TFF1: variants seen among roughly 807,000 people sequenced by gnomAD.
The protein encoded by TFF1 is breast cancer estrogen-inducible protein.
Under a neutral mutation model 7.7 loss-of-function variants are expected in TFF1, and 8 were observed. The observed-to-expected ratio is 1.04, with a 90% confidence interval of 0.61 to 1.87. TFF1 has a LOEUF of 1.87. TFF1 is among the 40% of genes most tolerant of loss of function. TFF1 has a pLI of 0.00. For synonymous variants in TFF1, 47 were observed against 44.8 expected, an observed-to-expected ratio of 1.05 and a Z score of -0.19; for missense variants, 120 against 113.4, an observed-to-expected ratio of 1.06 and a Z score of -0.26.
intron 1 of TFF1, among the ~76,000 whole-genome samples, chr21:42,365,722 G>A (rs1032157008): frequency 2.6e-5 from 4 of 152,202 alleles, no homozygotes; most frequent in African/African-American, 7.2e-5. Flanking sequence ...AGGGCAGACC[G>A]TTGATCCATT....
At position 42,363,237 on chromosome 21, in the gene TFF1, C is replaced by A. The variant is rs7281220; in HGVS notation, c.238+18G>T. ...CTAATTCTAAATCTTCAGAACCCAT[C>A]GTATAAAAAGGCCATACCTTCTGGA... is the stretch of plus-strand genomic sequence containing the variant. On this transcript the variant is annotated intron_variant, in intron 2 of 2. Transcript: ENST00000291527. 5 of 1,613,932 alleles carry A rather than the reference C, an allele frequency of 3.1e-6. No homozygotes were observed. Among genetic ancestry groups the A allele is most frequent in the South Asian group, 2.2e-5 (2 of 91,078 alleles).
At chr21:42,364,190 G>C (rs969507540) in intron 1 of TFF1, among the ~76,000 whole-genome samples, 2 of 152,088 alleles carry the variant, frequency 1.3e-5, no homozygotes, top group African/African-American at 4.8e-5. Context: ...CATCGTCCCA[G>C]GGTGCCCAGG....
Position 42,363,187 on chromosome 21 carries a change from C to T in TFF1, c.238+68G>A, listed in dbSNP as rs566950600. 129 of 1,602,518 alleles carry T rather than the reference C, an allele frequency of 8.0e-5. 2 individuals carry two copies. The South Asian group carries it at 1.4e-3, about 17-fold the overall frequency. ...TAGCTGGTGATGCTGATCAGAGCCTCTGTAGTCTTAAATGACTTTTCTAAC... is the reference window on the plus strand; with the variant it reads ...TAGCTGGTGATGCTGATCAGAGCCTTTGTAGTCTTAAATGACTTTTCTAAC... On this transcript the variant is annotated intron_variant, in intron 2 of 2. Coordinates refer to ENST00000291527, the MANE Select transcript of TFF1 (RefSeq NM_003225.3).
intron 1 of TFF1, among the ~76,000 whole-genome samples, 163 bp downstream of exon 1, chr21:42,366,248 C>T (rs567491785): frequency 2.6e-5 from 4 of 152,320 alleles, no homozygotes; most frequent in African/African-American, 9.6e-5. Flanking sequence ...AGTTACTCTC[C>T]ACCTGCTTTT....
At chr21:42,365,268 C>A (rs1307669443) in intron 1 of TFF1, among the ~76,000 whole-genome samples, 1 of 120,520 alleles carries the variant, frequency 8.3e-6, no homozygotes, top group African/African-American at 3.2e-5. Flanking sequence ...GGGGGCAGAG[C>A]TGGGGGCTGG....
chr21:42,362,659 G>C (rs1478805432), intron 2 of TFF1, among the ~76,000 whole-genome samples, 164 bp from the exon 3 acceptor site: 1 of 152,206 alleles, frequency 6.6e-6, no homozygotes, highest in African/African-American at 2.4e-5. Context: ...TGTAATCCCA[G>C]CTCTCTGGGA....
At chr21:42,362,633 C>G in intron 2 of TFF1, 138 bp from the exon 3 acceptor site, 1 of 1,016,932 alleles carries the variant, frequency 9.8e-7, no homozygotes. Context: ...GTCAGCCGGG[C>G]ACGGTGGCTC....
intron 1 of TFF1, among the ~76,000 whole-genome samples, chr21:42,364,266 G>C (rs568330604): frequency 1.3e-5 from 2 of 152,286 alleles, no homozygotes; most frequent in East Asian, 3.9e-4. Flanking sequence ...AAGCAGGGGG[G>C]CTCCCTGCAG....
At chr21:42,366,293 C>T in intron 1 of TFF1, 118 bp downstream of exon 1, 2 of 722,900 alleles carry the variant, frequency 2.8e-6, no homozygotes. Context: ...TTTTAAGGGC[C>T]TAGAACAGCA....
In TFF1 at chr21:42,362,353, G is replaced by C. The variant is rs528330317; in HGVS notation, c.*126C>G. 9.2e-7 allele frequency: 1 copy of C among 1,092,624 alleles called. No individual in the cohort carries two copies. The highest frequency in any genetic ancestry group is 1.6e-5 in the African/African-American group (1 of 62,032). 67.7% of individuals were successfully genotyped at this position (1,092,624 alleles called of 1,614,324 possible). A position where few individuals can be genotyped will look rare whatever the true frequency, so the allele number is the denominator to read the frequency against. On this transcript the variant is annotated 3_prime_UTR_variant, in exon 3 of 3. Transcript: ENST00000291527. ...AGTCAGAGCAGTCAATCTGTGTTGT[G>C]AGCCGAGGCACAGCTGCAGAAGCGT...
chr21:42,366,361 G>C, intron 1 of TFF1, 50 bp downstream of exon 1: 1 of 1,444,508 alleles, frequency 6.9e-7, no homozygotes, highest in Non-Finnish European at 9.6e-7. Flanking sequence ...CCTGGCGGAG[G>C]CTGCCAGAGC....
At chr21:42,363,233 C>T (rs747544943) in intron 2 of TFF1, 22 bp downstream of exon 2, 3 of 1,614,014 alleles carry the variant, frequency 1.9e-6, no homozygotes, top group Middle Eastern at 1.6e-4. Context: ...TCTTCAGAAC[C>T]CATCGTATAA....
At chr21:42,363,964 G>A (rs1319607061) in intron 1 of TFF1, among the ~76,000 whole-genome samples, 3 of 152,054 alleles carry the variant, frequency 2.0e-5, no homozygotes, top group East Asian at 1.9e-4. Context: ...AAAATTAGGC[G>A]GGCATTGTGG....
intron 2 of TFF1, 136 bp downstream of exon 2, chr21:42,363,119 C>G: frequency 8.9e-7 from 1 of 1,122,394 alleles, no homozygotes; most frequent in African/African-American, 1.6e-5. Context: ...CTCAGGCTAC[C>G]CCATTGCACC....
Position 42,363,351 on chromosome 21 carries a change from G to T in TFF1, c.142C>A (p.Pro48Thr). 2 of 1,614,188 alleles carry T rather than the reference G, an allele frequency of 1.2e-6. No homozygotes were observed. Among genetic ancestry groups the T allele is most frequent in the Non-Finnish European group, 1.7e-6 (2 of 1,180,036 alleles). The part of the protein sequence containing the change: ...RQNCGFPGVT[P>T]SQCANKGCCF... The stretch of plus-strand genomic sequence containing the variant: ...CAGCCCTTATTTGCACACTGGGAGG[G>T]CGTGACACCAGGAAAACCACAATTC... Residue 48 changes from proline to threonine, a missense_variant, in exon 2 of 3, where the codon CCC (proline) becomes ACC (threonine). Physicochemically the swap from Pro to Thr is conservative, Grantham distance 38. Transcript: ENST00000291527.
At position 42,362,920 on chromosome 21, in the gene TFF1, G is replaced by T. The variant is rs201155705; in HGVS notation, c.238+335C>A. Among the ~76,000 whole-genome samples the T allele has an allele frequency of 5.2e-5, 7 of 135,038 alleles. No individual in the cohort carries two copies. In the South Asian group the frequency reaches 1.2e-3, roughly 23 times the overall value. 88.6% of individuals were successfully genotyped at this position (135,038 alleles called of 152,430 possible). The stretch of plus-strand genomic sequence containing the variant: ...CATTTCAAAAAAAAAAAAAAAAAAA[G>T]AATACATGAAATGTCTTCAGATTTC... On this transcript the variant is annotated intron_variant, in intron 2 of 2. Transcript: ENST00000291527.
rs1299917231 is a variant in TFF1 at position 42,363,321 on chromosome 21, A to G, written c.172T>C (p.Phe58Leu). Residue 58 changes from phenylalanine (F) to leucine (L), a missense_variant, in exon 2 of 3, where the codon TTC (phenylalanine) becomes CTC (leucine). Transcript: ENST00000291527. The stretch of plus-strand genomic sequence containing the variant: ...GGGACCCCACGAACGGTGTCGTCGA[A>G]ACAGCAGCCCTTATTTGCACACTGG... ...PSQCANKGCCFDDTVRGVPWC... is the reference protein window; with the variant it reads ...PSQCANKGCCLDDTVRGVPWC... 1 of 1,614,100 alleles carries G rather than the reference A, an allele frequency of 6.2e-7. No homozygotes were observed. Among genetic ancestry groups the G allele is most frequent in the Non-Finnish European group, 8.5e-7 (1 of 1,180,056 alleles).
intron 1 of TFF1, among the ~76,000 whole-genome samples, 191 bp from the exon 2 acceptor site, chr21:42,363,598 A>C (rs1172016020): frequency 6.6e-6 from 1 of 152,218 alleles, no homozygotes; most frequent in African/African-American, 2.4e-5. Context: ...GCTCAGGGAA[A>C]ATGCAAGGTG....
Position 42,362,476 on chromosome 21 carries a change from TG to T in TFF1, c.*2del, listed in dbSNP as rs1255514883. The T allele has an allele frequency of 1.3e-6, 2 of 1,584,830 alleles. No homozygotes were observed. The highest frequency in any genetic ancestry group is 1.7e-6 in the Non-Finnish European group (2 of 1,165,806). On this transcript the variant is annotated 3_prime_UTR_variant, in exon 3 of 3. Transcript: ENST00000291527. Reference sequence around the variant, plus strand: ...GGATGCAGGCAGATCCCTGCAGAAGTGTCTAAAATTCACACTCCTCTACAGG... The same window carrying T: ...GGATGCAGGCAGATCCCTGCAGAAGTTCTAAAATTCACACTCCTCTACAGG...
Sources: gnomAD v4.1 joint callset for allele counts (sites outside exome capture counted in the v4.1 genomes callset) on GRCh38, gnomAD v4.1.1 for gene constraint, MANE v1.5 for transcripts, NCBI Gene and HGNC (gene_info 2026-07-23, HGNC 2026-07-21) for gene names.